BAIAP2L1: variants seen among roughly 807,000 people sequenced by gnomAD.
BAIAP2L1 encodes BAR/IMD domain containing adaptor protein 2 like 1, also known as BAR/IMD domain-containing adapter protein 2-like 1.
A neutral mutation model predicts 66.3 loss-of-function variants in BAIAP2L1; 35 were observed. The ratio of observed to expected loss-of-function variants is 0.53; its 90% CI spans 0.40 to 0.70. The LOEUF (loss-of-function observed/expected upper bound fraction) is 0.70, where lower values mean the gene tolerates loss of function less well. Among genes scored for constraint, BAIAP2L1 ranks in the 30% least tolerant of loss-of-function variants. The probability of loss-of-function intolerance (pLI) is 0.00; values close to 1 mark genes in which losing one functional copy is unlikely to be tolerated. For synonymous variants in BAIAP2L1, 269 were observed against 248.7 expected, an observed-to-expected ratio of 1.08 and a Z score of -0.77; for missense variants, 622 against 656.9, an observed-to-expected ratio of 0.95 and a Z score of 0.58.
intron 3 of BAIAP2L1, among the ~76,000 whole-genome samples, chr7:98,330,340 C>G (rs745778777): frequency 1.3e-5 from 2 of 152,136 alleles, no homozygotes; most frequent in Non-Finnish European, 2.9e-5. Flanking sequence ...ATAAAGAACA[C>G]CCGAGACTGG....
rs1802450801 is a variant in BAIAP2L1 at position 98,369,000 on chromosome 7, G to A, written c.52-6568C>T. Among the ~76,000 whole-genome samples, 3 of 150,002 alleles carry A rather than the reference G, an allele frequency of 2.0e-5. No individual in the cohort carries two copies. The South Asian group carries it at 6.3e-4, about 32-fold the overall frequency. ...GATAACCTGGGGGTTCAATGGCTGC[G>A]TCACATGGTAGGCACGTGTTTAACT... On this transcript the variant is annotated intron_variant, in intron 1 of 13. Transcript: ENST00000005260.
At chr7:98,306,264 G>A (rs1038123758) in intron 11 of BAIAP2L1, among the ~76,000 whole-genome samples, 175 bp downstream of exon 11, 2 of 152,064 alleles carry the variant, frequency 1.3e-5, no homozygotes, top group African/African-American at 4.8e-5. Flanking sequence ...AGCAAAGCTC[G>A]GGGACAACAG....
At chr7:98,371,912 A>G (rs1195503714) in intron 1 of BAIAP2L1, among the ~76,000 whole-genome samples, 1 of 151,008 alleles carries the variant, frequency 6.6e-6, no homozygotes, top group African/African-American at 2.4e-5. Context: ...CTCCTGCCTC[A>G]GCCTCCCGAG....
chr7:98,372,849 G>A (rs947930677), intron 1 of BAIAP2L1, among the ~76,000 whole-genome samples: 1 of 150,066 alleles, frequency 6.7e-6, no homozygotes, highest in South Asian at 2.1e-4. Flanking sequence ...GAGTTCAAGC[G>A]GTTTTCGTGC....
At chr7:98,315,815 GAGA>G (rs1801059346) in intron 6 of BAIAP2L1, among the ~76,000 whole-genome samples, 1 of 152,132 alleles carries the variant, frequency 6.6e-6, no homozygotes, top group African/African-American at 2.4e-5. Context: ...CGTGTGCAGA[GAGA>G]AGTTGCCCAA....
intron 8 of BAIAP2L1, among the ~76,000 whole-genome samples, chr7:98,310,840 C>T (rs1339119102): frequency 6.6e-6 from 1 of 152,076 alleles, no homozygotes; most frequent in Non-Finnish European, 1.5e-5. Flanking sequence ...CACGCACTAC[C>T]ACATCTGGCT....
chr7:98,293,684 TGA>T (rs1483985658), intron 13 of BAIAP2L1, 88 bp from the exon 14 acceptor site: 1 of 1,341,780 alleles, frequency 7.5e-7, no homozygotes, highest in African/African-American at 1.4e-5. Flanking sequence ...TCTTGCCCTG[TGA>T]GACTGGGCGG....
intron 3 of BAIAP2L1, among the ~76,000 whole-genome samples, chr7:98,337,153 C>T (rs545053877): frequency 1.3e-5 from 2 of 152,074 alleles, no homozygotes; most frequent in South Asian, 2.1e-4. Context: ...AGGCAGCGCA[C>T]GTGGGAAGTG....
chr7:98,348,579 AAAAAAAAG>A lies in BAIAP2L1; in HGVS notation c.214+6455_214+6462del, dbSNP rs1479168791. Among the ~76,000 whole-genome samples the A allele has an allele frequency of 4.3e-3, 659 of 152,074 alleles. 11 individuals are homozygous for A. Among genetic ancestry groups the A allele is most frequent in the African/African-American group, 0.015 (622 of 41,492 alleles). On this transcript the variant is annotated intron_variant, in intron 3 of 13. Transcript: ENST00000005260. ...GAGACTCTGCCTCCACAAAAAAAAA[AAAAAAAAG>A]AAAGAAAGAAAAGAAAAATGTTATA...
chr7:98,355,564 AAAAAAAAT>A, intron 2 of BAIAP2L1: 1 of 163,892 alleles, frequency 6.1e-6, no homozygotes, highest in East Asian at 1.6e-4. Context: ...TACAAAAAAA[AAAAAAAAT>A]ACATAAATTA....
At chr7:98,356,456 G>A (rs1385766046) in intron 2 of BAIAP2L1, among the ~76,000 whole-genome samples, 3 of 152,010 alleles carry the variant, frequency 2.0e-5, no homozygotes, top group Non-Finnish European at 4.4e-5. Context: ...CTGCAATGCC[G>A]CAATGTATAA....
chr7:98,306,397 G>C, intron 11 of BAIAP2L1, 42 bp downstream of exon 11: 2 of 1,605,568 alleles, frequency 1.2e-6, no homozygotes. Flanking sequence ...GACAAGGCAG[G>C]GGTTTCTGTC....
At chr7:98,297,327 A>C (rs1800234474) in intron 12 of BAIAP2L1, among the ~76,000 whole-genome samples, 1 of 152,152 alleles carries the variant, frequency 6.6e-6, no homozygotes, top group African/African-American at 2.4e-5. Flanking sequence ...CCATGCGCCC[A>C]GGTTGGGGGA....
chr7:98,382,026 C>A lies in BAIAP2L1; in HGVS notation c.51+18776G>T, dbSNP rs192234547. 2.7e-3 allele frequency among the ~76,000 whole-genome samples: 400 copies of A among 150,900 alleles called. 1 individual carries two copies. Among genetic ancestry groups the A allele is most frequent in the African/African-American group, 9.3e-3 (380 of 41,068 alleles). On this transcript the variant is annotated intron_variant, in intron 1 of 13. Transcript: ENST00000005260. ...CTGCAAGTTCCACCTCCTGAGTTCA[C>A]GCCATTCTCCTGCCTCAGCCTCCTG...
rs368641103 is a variant in BAIAP2L1, at chr7:98,327,088, C to T, written c.215-6790G>A. 3.9e-5 allele frequency among the ~76,000 whole-genome samples: 6 copies of T among 152,126 alleles called. No individual in the cohort carries two copies. The East Asian group carries it at 7.7e-4, about 20-fold the overall frequency. On this transcript the variant is annotated intron_variant, in intron 3 of 13. Transcript: ENST00000005260. Reference sequence around the variant, plus strand: ...TGAAAGTGAGGATCCCGGCCAGGCGCGGTGGCTCATGCCTGGAATCCCAGT... The same window carrying T: ...TGAAAGTGAGGATCCCGGCCAGGCGTGGTGGCTCATGCCTGGAATCCCAGT...
At position 98,307,723 on chromosome 7, in the gene BAIAP2L1, C is replaced by T; in HGVS notation, c.1129G>A (p.Gly377Ser). ...ACGTCGTGTTCTCCATAGAGCCAGC[C>T]ATCCTTCTCCTCGGGGATGAGCAGC... The part of the protein sequence containing the change: ...ITLLIPEEKD[G>S]WLYGEHDVSK... The change falls in exon 10 of 14, where the codon GGC becomes AGC. Residue 377 changes from glycine to serine, a missense_variant. Gly to Ser is a moderately conservative substitution (Grantham distance 56, BLOSUM62 0). Coordinates refer to ENST00000005260, the MANE Select transcript of BAIAP2L1 (RefSeq NM_018842.5). 6.2e-7 allele frequency: 1 copy of T among 1,614,236 alleles called. No homozygotes were observed. The highest frequency in any genetic ancestry group is 8.5e-7 in the Non-Finnish European group (1 of 1,180,052).
chr7:98,322,220 G>C (rs561917254), intron 3 of BAIAP2L1, among the ~76,000 whole-genome samples: 16 of 152,266 alleles, frequency 1.1e-4, no homozygotes, highest in African/African-American at 3.6e-4. Flanking sequence ...CCTCGGCTAT[G>C]ATCACCATAC....
chr7:98,341,799 T>G (rs1801746676), intron 3 of BAIAP2L1, among the ~76,000 whole-genome samples: 1 of 152,110 alleles, frequency 6.6e-6, no homozygotes, highest in Admixed American at 6.6e-5. Context: ...GCAGGTACAG[T>G]GTTCAGTAAA....
intron 12 of BAIAP2L1, among the ~76,000 whole-genome samples, chr7:98,296,455 G>A (rs1175887844): frequency 1.3e-5 from 2 of 152,010 alleles, no homozygotes; most frequent in African/African-American, 4.8e-5. Flanking sequence ...GAGAAACCCC[G>A]TCTCTACTAA....
Sources: gnomAD v4.1 joint callset for allele counts (sites outside exome capture counted in the v4.1 genomes callset) on GRCh38, gnomAD v4.1.1 for gene constraint, MANE v1.5 for transcripts, NCBI Gene and HGNC (gene_info 2026-07-23, HGNC 2026-07-21) for gene names.